CFAP126: variants seen among roughly 807,000 people sequenced by gnomAD.
The protein encoded by CFAP126 is protein Flattop.
In CFAP126, 21 loss-of-function variants were observed where a neutral mutation model predicts 17.1. The observed-to-expected ratio is 1.23, with a 90% CI of 0.87 to 1.77. The LOEUF (loss-of-function observed/expected upper bound fraction) is 1.77, where lower values mean the gene tolerates loss of function less well. Among genes scored for constraint, CFAP126 ranks in the 40% most tolerant of loss-of-function variants. CFAP126 has a pLI of 0.00. For missense variants in CFAP126, 174 were observed against 215.4 expected (o/e 0.81, Z 1.20); for synonymous variants, 65 against 73.5 (o/e 0.88, Z 0.59).
intron 4 of CFAP126, 97 bp from the exon 5 acceptor site, chr1:161,365,247 C>T: frequency 8.1e-7 from 1 of 1,227,948 alleles, no homozygotes; most frequent in South Asian, 1.4e-5. Flanking sequence ...TCTCCCCATA[C>T]CATGGGCAGT....
At chr1:161,366,781 CTTT>C (rs200434514) in intron 1 of CFAP126, 2 of 354,098 alleles carry the variant, frequency 5.6e-6, no homozygotes, top group African/African-American at 2.2e-5. Context: ...TTTTTCTTTT[CTTT>C]TTTTTTTTGA....
At chr1:161,365,442 G>A in intron 4 of CFAP126, 84 bp downstream of exon 4, 1 of 1,490,264 alleles carries the variant, frequency 6.7e-7, no homozygotes, top group Non-Finnish European at 9.3e-7. Flanking sequence ...TGCTGGGATA[G>A]TGGTGGCATA....
At chr1:161,367,201 T>C (rs960955252) in intron 1 of CFAP126, 1 of 152,298 alleles carries the variant, frequency 6.6e-6, no homozygotes, top group Non-Finnish European at 1.5e-5. Context: ...ATTTTATGTT[T>C]TAATTTTTTC....
In CFAP126 at chr1:161,364,743, CA is replaced by C. The variant is rs57914150; in HGVS notation, c.*221del. ...AAATCCAGATCAGTAAAAGATTCAACAAAAAAAAGTTTATTTTCCAAATTTG... is the reference window on the plus strand; with the variant it reads ...AAATCCAGATCAGTAAAAGATTCAACAAAAAAAGTTTATTTTCCAAATTTG... On this transcript the variant is annotated 3_prime_UTR_variant, in exon 5 of 5. Transcript: ENST00000367974. 2,851 of 506,166 alleles carry C rather than the reference CA, an allele frequency of 5.6e-3. 68 individuals are homozygous for C. The highest frequency in any genetic ancestry group is 0.05 in the African/African-American group (2,613 of 51,976). The allele number at this position is 506,166 out of a possible 1,614,324, so 31.4% of individuals were successfully genotyped here. A position where few individuals can be genotyped will look rare whatever the true frequency, so the allele number is the denominator to read the frequency against.
rs756472218 is a variant in CFAP126 at position 161,366,237 on chromosome 1, G to T, written c.132C>A (p.Asn44Lys). The change falls in exon 3 of 5, where the codon AAC becomes AAA. Residue 44 changes from asparagine to lysine, a missense_variant. Asn to Lys is a moderately conservative substitution (Grantham distance 94). Transcript: ENST00000367974. ...SHEGYTQIIA[N>K]DRGHLLPSVP... Reference sequence around the variant, plus strand: ...CAGAAGGCAGTAGATGACCACGATCGTTGGCAATAATTTGAGTGTAGCCTT... The same window carrying T: ...CAGAAGGCAGTAGATGACCACGATCTTTGGCAATAATTTGAGTGTAGCCTT... 1.2e-6 allele frequency: 2 copies of T among 1,613,818 alleles called. No individual in the cohort carries two copies. The highest frequency in any genetic ancestry group is 1.3e-5 in the African/African-American group (1 of 74,930).
intron 4 of CFAP126, 43 bp downstream of exon 4, chr1:161,365,483 A>G: frequency 6.2e-7 from 1 of 1,602,954 alleles, no homozygotes; most frequent in Non-Finnish European, 8.5e-7. Flanking sequence ...TTGAAAAGAA[A>G]TTGAGACTAC....
rs1672743096 is a variant in CFAP126, at chr1:161,366,723, T to G, written c.28-222A>C. The stretch of plus-strand genomic sequence containing the variant: ...GTTGAGCACCTGAAATATGACTAGT[T>G]CAAATTGAGGTGCTTTGTAAATATG... On this transcript the variant is annotated intron_variant, in intron 1 of 4. Coordinates refer to ENST00000367974, the MANE Select transcript of CFAP126 (RefSeq NM_001013625.4). 12 of 558,346 alleles carry G rather than the reference T, an allele frequency of 2.1e-5. No individual in the cohort carries two copies. In the South Asian group the frequency reaches 2.7e-4, roughly 13 times the overall value. The allele number at this position is 558,346 out of a possible 1,614,324, so 34.6% of individuals were successfully genotyped here.
At chr1:161,367,574 G>C (rs1238273756) in intron 1 of CFAP126, 3 of 388,472 alleles carry the variant, frequency 7.7e-6, no homozygotes, top group Non-Finnish European at 1.4e-5. Context: ...TTTTGACTTT[G>C]CCACTTGGCC....
At position 161,367,789 on chromosome 1, in the gene CFAP126, T is replaced by C. The variant is rs368322828; in HGVS notation, c.27+53A>G. ...CCTATGAGAGGGGACAGTCCAAAGA[T>C]AGAATCTGAAAAACAAAAGTAAACG... On this transcript the variant is annotated intron_variant, in intron 1 of 4. Transcript: ENST00000367974. 3.5e-4 allele frequency: 538 copies of C among 1,522,284 alleles called. 2 individuals carry two copies. The highest frequency in any genetic ancestry group is 4.7e-4 in the Non-Finnish European group (515 of 1,097,720). 94.3% of individuals were successfully genotyped at this position (1,522,284 alleles called of 1,614,324 possible).
At chr1:161,366,123 T>G (rs370049343) in intron 3 of CFAP126, 75 bp downstream of exon 3, 109 of 1,202,494 alleles carry the variant, frequency 9.1e-5, no homozygotes, top group African/African-American at 1.5e-5. Context: ...ATAATGGCTG[T>G]GAGAGACTGC....
rs770662304 is a variant in CFAP126 at position 161,367,839 on chromosome 1, T to TA, written c.27+2dup. On this transcript the variant is annotated splice_region_variant and intron_variant, in intron 1 of 4. Coordinates refer to ENST00000367974, the MANE Select transcript of CFAP126 (RefSeq NM_001013625.4). ...GTTAAAGAAATGGAGAATGGGAACT[T>TA]ACCTGGTTGGCACTGTAGTTAGTGG... 3.7e-6 allele frequency: 6 copies of TA among 1,613,734 alleles called. No homozygotes were observed. Among genetic ancestry groups the TA allele is most frequent in the Non-Finnish European group, 5.1e-6 (6 of 1,179,596 alleles).
rs779645100 is a variant in CFAP126 at position 161,365,013 on chromosome 1, G to A, written c.486C>T (p.His162=). ...GACCTGGAGTATGACCTGCAGAGGGGTGTGAGCTTTGGAGTTCATCTGGGG... is the reference window on the plus strand; with the variant it reads ...GACCTGGAGTATGACCTGCAGAGGGATGTGAGCTTTGGAGTTCATCTGGGG... ...LNSPDELQSS[H]PSAGHTPGPQ... Residue 162 remains histidine, a synonymous_variant, in exon 5 of 5, where the codon CAC becomes CAT. Coordinates refer to ENST00000367974, the MANE Select transcript of CFAP126 (RefSeq NM_001013625.4). 2 of 1,614,216 alleles carry A rather than the reference G, an allele frequency of 1.2e-6. No homozygotes were observed. Among genetic ancestry groups the A allele is most frequent in the Non-Finnish European group, 8.5e-7 (1 of 1,180,042 alleles).
intron 1 of CFAP126, 168 bp from the exon 2 acceptor site, chr1:161,366,669 C>T (rs1672741892): frequency 3.1e-6 from 2 of 644,126 alleles, no homozygotes; most frequent in South Asian, 1.9e-5. Context: ...GTGTGCTGTC[C>T]AGCATGGAGC....
chr1:161,364,921 G>A lies in CFAP126; in HGVS notation c.*44C>T, dbSNP rs746492224. ...TATTTCTGGACCTCAGCTAGATTAGGCCCTGCCCAGAGTTCTAGCATACGT... is the reference window on the plus strand; with the variant it reads ...TATTTCTGGACCTCAGCTAGATTAGACCCTGCCCAGAGTTCTAGCATACGT... On this transcript the variant is annotated 3_prime_UTR_variant, in exon 5 of 5. Coordinates refer to ENST00000367974, the MANE Select transcript of CFAP126 (RefSeq NM_001013625.4). 5 of 1,570,456 alleles carry A rather than the reference G, an allele frequency of 3.2e-6. No individual in the cohort carries two copies. Among genetic ancestry groups the A allele is most frequent in the Non-Finnish European group, 2.6e-6 (3 of 1,143,150 alleles).
chr1:161,364,872 G>T lies in CFAP126; in HGVS notation c.*93C>A. On this transcript the variant is annotated 3_prime_UTR_variant, in exon 5 of 5. Transcript: ENST00000367974. ...CGGGTTTTTCAGTGTGTGGCCACTT[G>T]GTCCATATGAAGTTCCAGGTTTGTA... The T allele has an allele frequency of 8.3e-7, 1 of 1,211,648 alleles. No individual in the cohort carries two copies. The highest frequency in any genetic ancestry group is 1.2e-6 in the Non-Finnish European group (1 of 847,296). The allele number at this position is 1,211,648 out of a possible 1,614,324, so 75.1% of individuals were successfully genotyped here.
intron 3 of CFAP126, chr1:161,365,914 CA>C (rs1209195920): frequency 9.8e-6 from 6 of 613,838 alleles, no homozygotes; most frequent in African/African-American, 9.2e-5. Context: ...TTAAATTCCA[CA>C]TCCTTAGGCC....
rs750163449 is a variant in CFAP126, at chr1:161,364,998, A to G, written c.501T>C (p.His167=). Reference sequence around the variant, plus strand: ...TGGCTGGTCTTTGGGGACCTGGAGTATGACCTGCAGAGGGGTGTGAGCTTT... The same window carrying G: ...TGGCTGGTCTTTGGGGACCTGGAGTGTGACCTGCAGAGGGGTGTGAGCTTT... ...ELQSSHPSAG[H]TPGPQRPAKS The change falls in exon 5 of 5, where the codon CAT becomes CAC. Residue 167 remains histidine (H), a synonymous_variant. Transcript: ENST00000367974. The G allele has an allele frequency of 1.1e-5, 18 of 1,614,202 alleles. No homozygotes were observed. The highest frequency in any genetic ancestry group is 8.8e-5 in the South Asian group (8 of 91,080).
rs1672735511 is a variant in CFAP126, at chr1:161,366,476, T to C, written c.53A>G (p.Tyr18Cys). ...CTTAGTGGGAGACCAGTTCTGCAGA[T>C]ACTTGGATGAGAAAGCCTTTTCATA... ...NQYEKAFSSKYLQNWSPTKPT... is the reference protein window; with the variant it reads ...NQYEKAFSSKCLQNWSPTKPT... The change falls in exon 2 of 5, where the codon TAT becomes TGT. Residue 18 changes from tyrosine (Y) to cysteine (C), a missense_variant. Physicochemically the swap from Tyr to Cys is radical, Grantham distance 194. Transcript: ENST00000367974. The C allele has an allele frequency of 1.9e-6, 3 of 1,614,158 alleles. No individual in the cohort carries two copies. The highest frequency in any genetic ancestry group is 1.1e-5 in the South Asian group (1 of 91,084).
chr1:161,365,068 A>G lies in CFAP126; in HGVS notation c.431T>C (p.Ile144Thr), dbSNP rs747758593. Reference protein sequence around the residue: ...TVQQARSPTIIPSSPAANLNS... With the variant: ...TVQQARSPTITPSSPAANLNS... ...GAGGTTGGCAGCTGGGGAGCTTGGA[A>G]TTATGGTTGGACTTCGTGCTTGTTG... The change falls in exon 5 of 5, where the codon ATT becomes ACT. Residue 144 changes from isoleucine to threonine, a missense_variant. Ile to Thr is a moderately conservative substitution (Grantham distance 89, BLOSUM62 -1). Transcript: ENST00000367974. 20 of 1,614,076 alleles carry G rather than the reference A, an allele frequency of 1.2e-5. No individual in the cohort carries two copies. In the Middle Eastern group the frequency reaches 6.6e-4, roughly 53 times the overall value.
Sources: gnomAD v4.1 joint callset for allele counts on GRCh38, gnomAD v4.1.1 for gene constraint, MANE v1.5 for transcripts, NCBI Gene and HGNC (gene_info 2026-07-23, HGNC 2026-07-21) for gene names.